Variants in NADK observed in about 807,000 individuals in gnomAD.
NADK encodes poly(P)/ATP NAD kinase.
NADK carries 22 observed loss-of-function variants against 49.8 expected under a neutral mutation model. That is an observed-to-expected ratio of 0.44 (90% CI 0.32 to 0.63). The LOEUF (loss-of-function observed/expected upper bound fraction) is 0.63. NADK is among the 30% of genes least tolerant of loss of function. The probability of loss-of-function intolerance (pLI) is 0.06; values close to 1 mark genes in which losing one functional copy is unlikely to be tolerated. For missense variants in NADK, 438 were observed against 609.4 expected (o/e 0.72, Z 2.96); for synonymous variants, 268 against 253.7 (o/e 1.06, Z -0.54).
chr1:1,762,757 CAAAATGAATGAATGAAT>C (rs1645766660), intron 2 of NADK, among the ~76,000 whole-genome samples: 1 of 135,530 alleles, frequency 7.4e-6, no homozygotes, highest in African/African-American at 2.7e-5. Context: ...AACTCTGTCT[CAAAATGAATGAATGAAT>C]GAATGAATGA....
chr1:1,753,664 G>A lies in NADK; in HGVS notation c.1102-15C>T, dbSNP rs1335603631. ...GACAGCATGATCTGAGGGTCAAGCA[G>A]GGAGAGGTGTGGGCCCCCAGCTGTG... On this transcript the variant is annotated splice_polypyrimidine_tract_variant and intron_variant, in intron 10 of 11. Transcript: ENST00000341426. 1.3e-6 allele frequency: 2 copies of A among 1,595,704 alleles called. No homozygotes were observed. The highest frequency in any genetic ancestry group is 2.7e-5 in the African/African-American group (2 of 74,806).
intron 3 of NADK, chr1:1,761,590 A>G: frequency 4.6e-6 from 1 of 215,948 alleles, no homozygotes; most frequent in East Asian, 9.7e-5. Flanking sequence ...TAAAGAAACA[A>G]AAAGGCAGCC....
At chr1:1,753,117 C>G in intron 11 of NADK, 57 bp from the exon 12 acceptor site, 1 of 1,553,780 alleles carries the variant, frequency 6.4e-7, no homozygotes, top group Non-Finnish European at 8.7e-7. Flanking sequence ...CACCCCCGGC[C>G]AAGAACCCTT....
chr1:1,758,021 A>G (rs1645585570), intron 3 of NADK, among the ~76,000 whole-genome samples: 1 of 152,216 alleles, frequency 6.6e-6, no homozygotes, highest in Non-Finnish European at 1.5e-5. Flanking sequence ...CACGTTAGTC[A>G]CAGAAAACAT....
At chr1:1,755,579 C>A in intron 6 of NADK, 103 bp from the exon 7 acceptor site, 1 of 832,770 alleles carries the variant, frequency 1.2e-6, no homozygotes, top group Non-Finnish European at 2.0e-6. Flanking sequence ...GTGGGGACAG[C>A]ACCCCGACCC....
intron 1 of NADK, among the ~76,000 whole-genome samples, chr1:1,777,110 C>T (rs1412278944): frequency 6.6e-6 from 1 of 152,244 alleles, no homozygotes; most frequent in East Asian, 1.9e-4. Flanking sequence ...ACAGAAACAT[C>T]TCGAGAGGAC....
rs992210844 is a variant in NADK, at chr1:1,752,797, G to A, written c.*107C>T. 1 of 1,327,702 alleles carries A rather than the reference G, an allele frequency of 7.5e-7. No homozygotes were observed. The highest frequency in any genetic ancestry group is 1.5e-5 in the African/African-American group (1 of 68,544). The allele number at this position is 1,327,702 out of a possible 1,614,324, so 82.2% of individuals were successfully genotyped here. A position where few individuals can be genotyped will look rare whatever the true frequency, so the allele number is the denominator to read the frequency against. ...GCTCTAACCCAGCTACAGAAAGGAAGTGGCCGTGCCACTGAGACAGGCGGT... is the reference window on the plus strand; with the variant it reads ...GCTCTAACCCAGCTACAGAAAGGAAATGGCCGTGCCACTGAGACAGGCGGT... On this transcript the variant is annotated 3_prime_UTR_variant, in exon 12 of 12. Transcript: ENST00000341426.
intron 1 of NADK, among the ~76,000 whole-genome samples, chr1:1,769,914 T>C (rs1174729231): frequency 6.6e-6 from 1 of 151,700 alleles, no homozygotes; most frequent in Non-Finnish European, 1.5e-5. Flanking sequence ...CTGTCTCTAC[T>C]AAAAATACAA....
intron 3 of NADK, chr1:1,759,255 G>T (rs1464527226): frequency 6.4e-7 from 1 of 1,560,850 alleles, no homozygotes; most frequent in Non-Finnish European, 8.7e-7. Context: ...TGCAAAGCAG[G>T]ACACCAGCCC....
chr1:1,753,269 C>CA (rs1645387271), intron 11 of NADK, among the ~76,000 whole-genome samples: 1 of 152,152 alleles, frequency 6.6e-6, no homozygotes, highest in East Asian at 1.9e-4. Context: ...AGGGAACTGA[C>CA]AAACTCTGCC....
intron 1 of NADK, among the ~76,000 whole-genome samples, chr1:1,775,543 C>T (rs755683551): frequency 1.4e-4 from 22 of 152,186 alleles, no homozygotes; most frequent in Non-Finnish European, 2.6e-4. Flanking sequence ...AGGGCTTCAC[C>T]CTGTGACCTC....
At chr1:1,757,456 GC>G (rs1645567212) in intron 3 of NADK, 146 bp from the exon 4 acceptor site, 3 of 686,962 alleles carry the variant, frequency 4.4e-6, no homozygotes, top group South Asian at 3.8e-5. Flanking sequence ...GGCTCACAGG[GC>G]CTAGGGTCGC....
At chr1:1,753,460 G>T in intron 11 of NADK, 107 bp downstream of exon 11, 1 of 867,440 alleles carries the variant, frequency 1.2e-6, no homozygotes, top group Non-Finnish European at 1.8e-6. Context: ...GCCCTGTGGT[G>T]CCCTAGGGGA....
chr1:1,762,600 A>G (rs770182232), intron 2 of NADK, among the ~76,000 whole-genome samples: 8 of 152,064 alleles, frequency 5.3e-5, no homozygotes, highest in Non-Finnish European at 1.0e-4. Flanking sequence ...TTACTAAAAA[A>G]AGAAAAATTA....
chr1:1,762,275 G>A (rs768395171), intron 2 of NADK, among the ~76,000 whole-genome samples: 31 of 152,170 alleles, frequency 2.0e-4, no homozygotes, highest in Admixed American at 9.8e-4. Flanking sequence ...GACCCAAGCC[G>A]GGGAGAGCTT....
At chr1:1,759,456 G>A (rs1182522378) in intron 3 of NADK, among the ~76,000 whole-genome samples, 1 of 152,236 alleles carries the variant, frequency 6.6e-6, no homozygotes, top group East Asian at 1.9e-4. Context: ...CGCACACTGT[G>A]ACACACGGGC....
chr1:1,770,944 A>C (rs1488678740), intron 1 of NADK, among the ~76,000 whole-genome samples: 2 of 151,134 alleles, frequency 1.3e-5, no homozygotes, highest in Non-Finnish European at 2.9e-5. Context: ...GCTATTTGGG[A>C]GGCTGAGGCA....
intron 1 of NADK, among the ~76,000 whole-genome samples, chr1:1,766,689 T>A (rs1427348899): frequency 6.6e-6 from 1 of 151,312 alleles, no homozygotes; most frequent in Non-Finnish European, 1.5e-5. Context: ...TTTTTCTTTT[T>A]CTTTTTTTTT....
At chr1:1,761,694 G>C in intron 3 of NADK, 1 of 386,172 alleles carries the variant, frequency 2.6e-6, no homozygotes, top group Non-Finnish European at 4.9e-6. Context: ...AAAGCCACTG[G>C]AAAAGCCACA....
Sources: allele counts gnomAD v4.1 joint callset (sites outside exome capture counted in the v4.1 genomes callset), GRCh38; gene constraint gnomAD v4.1.1; transcripts MANE v1.5; gene names NCBI Gene and HGNC (gene_info 2026-07-23, HGNC 2026-07-21).